TBCE: variants seen among roughly 807,000 people sequenced by gnomAD.
The protein encoded by TBCE is tubulin folding cofactor E, also known as tubulin-specific chaperone E.
In TBCE, 53 loss-of-function variants were observed where a neutral mutation model predicts 77.0. That is an observed-to-expected ratio of 0.69 (90% CI 0.55 to 0.87). TBCE has a LOEUF of 0.87. Among genes scored for constraint, TBCE ranks in the 40% least tolerant of loss-of-function variants. The pLI is 0.00. For synonymous variants in TBCE, 235 were observed against 241.3 expected (o/e 0.97, Z 0.24); for missense variants, 624 against 622.4 (o/e 1.00, Z -0.03).
intron 2 of TBCE, among the ~76,000 whole-genome samples, chr1:235,383,823 A>G (rs1362921134): frequency 3.9e-5 from 6 of 152,092 alleles, no homozygotes; most frequent in Admixed American, 3.3e-4. Flanking sequence ...TCTCCTGCCT[A>G]ATTGCCCTGG....
At position 235,433,133 on chromosome 1, in the gene TBCE, T is replaced by G. The variant is rs772339811; in HGVS notation, c.661-1071T>G. On this transcript the variant is annotated intron_variant, in intron 7 of 16. Coordinates refer to ENST00000642610, the MANE Select transcript of TBCE (RefSeq NM_003193.5). ...GTCACGGGCAGGTTTAACAGCCAGT[T>G]TAAAACCTGTGCTATCTGCAGGACT... 4.7e-6 allele frequency: 7 copies of G among 1,476,818 alleles called. No individual in the cohort carries two copies. In the South Asian group the frequency reaches 8.0e-5, roughly 17 times the overall value. The allele number at this position is 1,476,818 out of a possible 1,614,324, so 91.5% of individuals were successfully genotyped here. A position where few individuals can be genotyped will look rare whatever the true frequency, so the allele number is the denominator to read the frequency against.
chr1:235,385,948 C>T (rs1441050746), intron 2 of TBCE, among the ~76,000 whole-genome samples: 1 of 152,172 alleles, frequency 6.6e-6, no homozygotes, highest in Non-Finnish European at 1.5e-5. Flanking sequence ...TTTGCAGTGG[C>T]TGGTACCAGT....
intron 2 of TBCE, among the ~76,000 whole-genome samples, chr1:235,387,716 A>C (rs1236444752): frequency 2.6e-5 from 4 of 152,084 alleles, no homozygotes; most frequent in African/African-American, 9.7e-5. Flanking sequence ...CCTTTCTTTG[A>C]CTAGCAAAGG....
intron 2 of TBCE, among the ~76,000 whole-genome samples, chr1:235,390,510 G>A (rs1678312933): frequency 6.6e-6 from 1 of 152,132 alleles, no homozygotes; most frequent in Non-Finnish European, 1.5e-5. Context: ...CCAGCACTTT[G>A]GGAGGCCAAG....
chr1:235,435,762 A>G lies in TBCE; in HGVS notation c.755A>G (p.Gln252Arg), dbSNP rs757235854. The change falls in exon 9 of 17, where the codon CAG becomes CGG. Residue 252 changes from glutamine (Q) to arginine (R), a missense_variant. Gln to Arg is a conservative substitution (Grantham distance 43). Transcript: ENST00000642610. Reference sequence around the variant, plus strand: ...CCATACAGGCCAACAGATGTTCTCCAGACAGTCAAGTTATTAGATCTTTCC... The same window carrying G: ...CCATACAGGCCAACAGATGTTCTCCGGACAGTCAAGTTATTAGATCTTTCC... The part of the protein sequence containing the change: ...FISERPTDVL[Q>R]TVKLLDLSSN... 2 of 1,614,164 alleles carry G rather than the reference A, an allele frequency of 1.2e-6. No homozygotes were observed. Among genetic ancestry groups the G allele is most frequent in the East Asian group, 4.5e-5 (2 of 44,880 alleles).
chr1:235,383,616 TTGTC>T, intron 2 of TBCE, among the ~76,000 whole-genome samples: 1 of 152,070 alleles, frequency 6.6e-6, no homozygotes, highest in Non-Finnish European at 1.5e-5. Flanking sequence ...GGCTCTCTGT[TTGTC>T]TGTTATTGGT....
At chr1:235,406,829 C>CTTTTTTTT (rs141351182) in intron 3 of TBCE, among the ~76,000 whole-genome samples, 2 of 76,168 alleles carry the variant, frequency 2.6e-5, no homozygotes, top group Non-Finnish European at 4.8e-5. Context: ...TGCTCCTGGG[C>CTTTTTTTT]TTTTTTTTTT....
intron 6 of TBCE, 143 bp downstream of exon 6, chr1:235,427,382 T>C: frequency 1.4e-6 from 1 of 712,782 alleles, no homozygotes; most frequent in Non-Finnish European, 2.5e-6. Context: ...AAGGAATTAC[T>C]CAGGCTGATA....
chr1:235,450,062 C>T lies in TBCE; in HGVS notation c.*1300C>T, dbSNP rs1000956431. 6.4e-5 allele frequency: 60 copies of T among 931,174 alleles called. No individual in the cohort carries two copies. The Admixed American group carries it at 7.0e-4, about 11-fold the overall frequency. 57.7% of individuals were successfully genotyped at this position (931,174 alleles called of 1,614,324 possible). On this transcript the variant is annotated 3_prime_UTR_variant, in exon 17 of 17. Transcript: ENST00000642610. ...AATTTGTGCAAACATTAAGAAACAC[C>T]GCATTGGTTCTGGGTGAAAGTGCCA...
chr1:235,380,178 TGTGTGTGTGTGTGTGTGTGTG>T, intron 2 of TBCE, 29 bp downstream of exon 2: 1 of 638,228 alleles, frequency 1.6e-6, no homozygotes. Context: ...TGTGTGTGTG[TGTGTGTGTGTGTGTGTGTGTG>T]TGTGTGTGTG....
chr1:235,434,116 A>G, intron 7 of TBCE, 88 bp from the exon 8 acceptor site: 1 of 1,166,782 alleles, frequency 8.6e-7, no homozygotes, highest in Non-Finnish European at 1.3e-6. Flanking sequence ...ACAGTAACTG[A>G]GCTGAATTCT....
chr1:235,440,547 C>T (rs1681809255), intron 13 of TBCE, among the ~76,000 whole-genome samples: 1 of 152,078 alleles, frequency 6.6e-6, no homozygotes, highest in Admixed American at 6.6e-5. Flanking sequence ...CGTCTGCCAC[C>T]ATGCCCGGCT....
intron 13 of TBCE, among the ~76,000 whole-genome samples, chr1:235,439,266 T>C (rs373709191): frequency 0.049 from 7,299 of 147,462 alleles, 336 homozygotes; most frequent in African/African-American, 0.12. Flanking sequence ...CTGAGGCGGG[T>C]GGATCACGAG....
At position 235,426,166 on chromosome 1, in the gene TBCE, G is replaced by C. The variant is rs147895007; in HGVS notation, c.461-974G>C. Among the ~76,000 whole-genome samples, 917 of 152,184 alleles carry C rather than the reference G, an allele frequency of 6.0e-3. 12 individuals are homozygous for C. Among genetic ancestry groups the C allele is most frequent in the Middle Eastern group, 0.024 (7 of 294 alleles). ...TGCAAGCTCCTCTGTCTTTCTCTGC[G>C]GGGACCTGGCTAAGCTGTGCCCCTT... On this transcript the variant is annotated intron_variant, in intron 5 of 16. Coordinates refer to ENST00000642610, the MANE Select transcript of TBCE (RefSeq NM_003193.5).
intron 1 of TBCE, among the ~76,000 whole-genome samples, chr1:235,370,247 G>A (rs1416443525): frequency 6.9e-6 from 1 of 144,050 alleles, no homozygotes. Context: ...GTTTACTGCT[G>A]TATTCTTTTT....
intron 11 of TBCE, 100 bp from the exon 12 acceptor site, chr1:235,437,222 G>A (rs1351607423): frequency 4.1e-6 from 6 of 1,453,486 alleles, no homozygotes; most frequent in Non-Finnish European, 5.8e-6. Flanking sequence ...CCCTGCCTCA[G>A]ATTAGAACTA....
intron 3 of TBCE, among the ~76,000 whole-genome samples, chr1:235,407,543 C>T (rs1206809944): frequency 3.3e-5 from 5 of 152,100 alleles, no homozygotes; most frequent in African/African-American, 1.2e-4. Context: ...GTTTTAGTAG[C>T]TATTAAATAA....
intron 2 of TBCE, among the ~76,000 whole-genome samples, chr1:235,394,695 A>G (rs965096579): frequency 2.0e-5 from 3 of 152,006 alleles, no homozygotes; most frequent in Middle Eastern, 3.2e-3. Context: ...TGCTGGGATT[A>G]CAGGTGTGAA....
chr1:235,427,470 G>A lies in TBCE; in HGVS notation c.560+231G>A, dbSNP rs74151504. Among the ~76,000 whole-genome samples the A allele has an allele frequency of 0.023, 3,442 of 152,214 alleles. 137 individuals carry two copies. The highest frequency in any genetic ancestry group is 0.078 in the African/African-American group (3,242 of 41,504). On this transcript the variant is annotated intron_variant, in intron 6 of 16. Coordinates refer to ENST00000642610, the MANE Select transcript of TBCE (RefSeq NM_003193.5). ...CAAATTATTTTCCTTTCTAACACAA[G>A]CAGCCTGTAAAATCGAGCTGCAGAC...
Sources: allele counts gnomAD v4.1 joint callset (sites outside exome capture counted in the v4.1 genomes callset), GRCh38; gene constraint gnomAD v4.1.1; transcripts MANE v1.5; gene names NCBI Gene and HGNC (gene_info 2026-07-23, HGNC 2026-07-21).